Variants in CNOT10 observed in about 807,000 individuals in gnomAD.
CNOT10 encodes CCR4-NOT transcription complex subunit 10.
CNOT10 carries 30 observed loss-of-function variants against 94.6 expected under a neutral mutation model. The ratio of observed to expected loss-of-function variants is 0.32; its 90% CI spans 0.24 to 0.43. The LOEUF is 0.43. Ranked by LOEUF, CNOT10 falls within the 20% of genes least tolerant of loss-of-function variation. The probability of loss-of-function intolerance (pLI) is 1.00; values close to 1 mark genes in which losing one functional copy is unlikely to be tolerated. For missense variants in CNOT10, 759 were observed against 877.2 expected (o/e 0.87, Z 1.70); for synonymous variants, 289 against 301.6 (o/e 0.96, Z 0.43).
At chr3:32,724,059 G>A (rs1156821893) in intron 8 of CNOT10, among the ~76,000 whole-genome samples, 2 of 152,066 alleles carry the variant, frequency 1.3e-5, no homozygotes, top group Admixed American at 6.6e-5. Flanking sequence ...TAGGCTGGGC[G>A]ATGGAATGAG....
rs1204735831 is a variant in CNOT10, at chr3:32,760,428, C to CT, written c.1709+858dup. On this transcript the variant is annotated intron_variant, in intron 14 of 18. Coordinates refer to ENST00000328834, the MANE Select transcript of CNOT10 (RefSeq NM_015442.3). ...AGGCAGATCATTTGAGGTCGGGAGT[C>CT]TGAGACCAGCCCAGCCAACGTGGTA... 4.0e-5 allele frequency among the ~76,000 whole-genome samples: 6 copies of CT among 151,326 alleles called. No individual in the cohort carries two copies. In the East Asian group the frequency reaches 7.9e-4, roughly 20 times the overall value.
Position 32,743,806 on chromosome 3 carries a change from A to G in CNOT10, c.1595+6316A>G, listed in dbSNP as rs146150433. 3.0e-3 allele frequency among the ~76,000 whole-genome samples: 449 copies of G among 152,200 alleles called. 5 individuals carry two copies. Among genetic ancestry groups the G allele is most frequent in the African/African-American group, 0.01 (431 of 41,532 alleles). On this transcript the variant is annotated intron_variant, in intron 13 of 18. Coordinates refer to ENST00000328834, the MANE Select transcript of CNOT10 (RefSeq NM_015442.3). ...GTGGGTACAGCTGTTTGCTTTCCAT[A>G]TGTCATAGTAGGAGGATTGATGATT...
intron 18 of CNOT10, among the ~76,000 whole-genome samples, chr3:32,770,802 G>C (rs548665716): frequency 6.5e-4 from 98 of 151,934 alleles, no homozygotes; most frequent in African/African-American, 2.2e-3. Flanking sequence ...CGCCTCCCGG[G>C]TTCAAGGTTC....
At chr3:32,757,100 C>T (rs112286429) in intron 13 of CNOT10, among the ~76,000 whole-genome samples, 3,004 of 144,870 alleles carry the variant, frequency 0.021, 41 homozygotes, top group East Asian at 0.045. Flanking sequence ...AGCAAGACTC[C>T]GTCTCAAAAG....
chr3:32,693,660 G>C (rs1202623199), intron 1 of CNOT10, among the ~76,000 whole-genome samples: 1 of 150,592 alleles, frequency 6.6e-6, no homozygotes, highest in Non-Finnish European at 1.5e-5. Context: ...TCCCACCTCA[G>C]CCTCCCAAGT....
intron 1 of CNOT10, among the ~76,000 whole-genome samples, chr3:32,697,272 T>C (rs1055642279): frequency 1.2e-4 from 19 of 152,242 alleles, no homozygotes; most frequent in African/African-American, 4.6e-4. Flanking sequence ...TTTCTGGGGT[T>C]GCTAACAGCA....
intron 13 of CNOT10, among the ~76,000 whole-genome samples, chr3:32,751,372 C>T (rs983971265): frequency 6.6e-6 from 1 of 152,080 alleles, no homozygotes; most frequent in African/African-American, 2.4e-5. Flanking sequence ...TCCCAATGTG[C>T]TGAGATTATA....
chr3:32,767,240 C>T (rs765105776), intron 17 of CNOT10, among the ~76,000 whole-genome samples: 4 of 152,122 alleles, frequency 2.6e-5, no homozygotes, highest in Non-Finnish European at 2.9e-5. Context: ...GGCTTTCAGC[C>T]GGGCGCAGTG....
chr3:32,741,430 G>A (rs1699455420), intron 13 of CNOT10, among the ~76,000 whole-genome samples: 1 of 151,994 alleles, frequency 6.6e-6, no homozygotes, highest in Admixed American at 6.6e-5. Context: ...CAGGATGAAC[G>A]TCCAACAGTG....
At chr3:32,741,189 T>G (rs1699446636) in intron 13 of CNOT10, among the ~76,000 whole-genome samples, 1 of 152,188 alleles carries the variant, frequency 6.6e-6, no homozygotes, top group African/African-American at 2.4e-5. Context: ...CTTTTGGGAT[T>G]GATTTTTTTC....
intron 1 of CNOT10, among the ~76,000 whole-genome samples, chr3:32,703,306 C>G (rs563626164): frequency 6.6e-6 from 1 of 152,176 alleles, no homozygotes; most frequent in Admixed American, 6.5e-5. Flanking sequence ...GGGACAAATT[C>G]ACTATACAGT....
At chr3:32,756,349 G>T (rs1449846200) in intron 13 of CNOT10, among the ~76,000 whole-genome samples, 3 of 152,150 alleles carry the variant, frequency 2.0e-5, no homozygotes, top group Admixed American at 2.0e-4. Context: ...TTTGAAGAAA[G>T]CAGATTTTTA....
At position 32,754,485 on chromosome 3, in the gene CNOT10, A is replaced by ATATATAT. The variant is rs1415191433; in HGVS notation, c.1596-4973_1596-4972insTATATAT. On this transcript the variant is annotated intron_variant, in intron 13 of 18. Transcript: ENST00000328834. ...GAGCAAGACTCCGTCTCAAAAAAAA[A>ATATATAT]AAAAATACATATATATATATATATT... Among the ~76,000 whole-genome samples, 43 of 48,396 alleles carry ATATATAT rather than the reference A, an allele frequency of 8.9e-4. 2 individuals carry two copies. The East Asian group carries it at 9.2e-3, about 10-fold the overall frequency. The allele number at this position is 48,396 out of a possible 152,430, so 31.7% of individuals were successfully genotyped here. A position where few individuals can be genotyped will look rare whatever the true frequency, so the allele number is the denominator to read the frequency against.
chr3:32,732,074 A>G (rs950089970), intron 10 of CNOT10, among the ~76,000 whole-genome samples: 8 of 151,428 alleles, frequency 5.3e-5, no homozygotes, highest in African/African-American at 1.7e-4. Flanking sequence ...GTGATACTCC[A>G]TCTCAAAAAA....
rs1553629927 is a variant in CNOT10 at position 32,704,796 on chromosome 3, G to GGT, written c.118-15_118-14insGT. The GGT allele has an allele frequency of 4.2e-6, 5 of 1,190,072 alleles. No individual in the cohort carries two copies. The highest frequency in any genetic ancestry group is 2.8e-5 in the Admixed American group (1 of 35,936). 73.7% of individuals were successfully genotyped at this position (1,190,072 alleles called of 1,614,324 possible). ...ATGTAATTTTGTGTGTGTGTGTGTGGTTTTTTTTTTTTAGTCTGGAAATTA... is the reference window on the plus strand; with the variant it reads ...ATGTAATTTTGTGTGTGTGTGTGTGGGTTTTTTTTTTTTTAGTCTGGAAATTA... On this transcript the variant is annotated splice_polypyrimidine_tract_variant and intron_variant, in intron 2 of 18. Transcript: ENST00000328834.
chr3:32,762,651 CATA>C, intron 14 of CNOT10, 79 bp from the exon 15 acceptor site: 1 of 1,373,454 alleles, frequency 7.3e-7, no homozygotes, highest in East Asian at 2.5e-5. Flanking sequence ...TGTATAATAA[CATA>C]ATATACCCAG....
chr3:32,720,024 T>G (rs1698300142), intron 7 of CNOT10, 90 bp from the exon 8 acceptor site: 1 of 555,166 alleles, frequency 1.8e-6, no homozygotes. Flanking sequence ...TCATTTATGG[T>G]TTTGAACACG....
In CNOT10 at chr3:32,733,459, A is replaced by G. The variant is rs1042209870; in HGVS notation, c.1252A>G (p.Lys418Glu). 3.1e-6 allele frequency: 5 copies of G among 1,600,872 alleles called. No individual in the cohort carries two copies. Among genetic ancestry groups the G allele is most frequent in the Non-Finnish European group, 4.3e-6 (5 of 1,171,762 alleles). ...AGAAACTAAAGGCCTTCCCAGCAAA[A>G]AAGGAATTGTACAGTCTATTGTTGG... Reference protein sequence around the residue: ...EQETKGLPSKKGIVQSIVGQG... With the variant: ...EQETKGLPSKEGIVQSIVGQG... Residue 418 changes from lysine (K) to glutamate (E), a missense_variant, in exon 11 of 19, where the codon AAA becomes GAA. Lys to Glu is a moderately conservative substitution (Grantham distance 56). This residue lies in a region of CNOT10 where 682 missense variants were observed against 799.4 expected (regional missense o/e 0.85). Coordinates refer to ENST00000328834, the MANE Select transcript of CNOT10 (RefSeq NM_015442.3).
In CNOT10 at chr3:32,753,607, C is replaced by A. The variant is rs976192177; in HGVS notation, c.1596-5851C>A. ...GCAAGGAGATGTGCCTACACCAAAACAATTCATAGCAGGTGTAAAGCACCT... is the reference window on the plus strand; with the variant it reads ...GCAAGGAGATGTGCCTACACCAAAAAAATTCATAGCAGGTGTAAAGCACCT... On this transcript the variant is annotated intron_variant, in intron 13 of 18. Transcript: ENST00000328834. 8 of 1,579,854 alleles carry A rather than the reference C, an allele frequency of 5.1e-6. No homozygotes were observed. In the African/African-American group the frequency reaches 1.1e-4, roughly 21 times the overall value.
Sources: gnomAD v4.1 joint callset for allele counts (sites outside exome capture counted in the v4.1 genomes callset) on GRCh38, gnomAD v4.1.1 for gene constraint, gnomAD v4.1.1 regional missense constraint, MANE v1.5 for transcripts, NCBI Gene and HGNC (gene_info 2026-07-23, HGNC 2026-07-21) for gene names.